The following ASTN2 variants were observed in gnomAD, a reference collection of about 807,000 sequenced individuals.
ASTN2 encodes astrotactin 2.
ASTN2 carries 54 observed loss-of-function variants against 139.8 expected under a neutral mutation model. The ratio of observed to expected loss-of-function variants is 0.39; its 90% CI spans 0.31 to 0.48. The LOEUF is 0.48. Ranked by LOEUF, ASTN2 falls within the 20% of genes least tolerant of loss-of-function variation. The probability of loss-of-function intolerance (pLI) is 0.95; values close to 1 mark genes in which losing one functional copy is unlikely to be tolerated. For synonymous variants in ASTN2, 756 were observed against 719.5 expected (o/e 1.05, Z -0.81); for missense variants, 1,565 against 1,725.1 (o/e 0.91, Z 1.64).
chr9:117,206,731 T>C (rs1008708080), intron 3 of ASTN2, among the ~76,000 whole-genome samples: 12 of 152,076 alleles, frequency 7.9e-5, no homozygotes, highest in African/African-American at 1.2e-4. Context: ...AGAGAAACAG[T>C]ATAACGGTCC....
chr9:116,820,483 A>C, intron 12 of ASTN2, 134 bp downstream of exon 12: 1 of 1,217,744 alleles, frequency 8.2e-7, no homozygotes, highest in Non-Finnish European at 1.1e-6. Flanking sequence ...TCTTGGACTA[A>C]AACAGGAAAG....
chr9:116,563,639 C>A (rs1264267702), intron 19 of ASTN2, among the ~76,000 whole-genome samples: 1 of 152,126 alleles, frequency 6.6e-6, no homozygotes, highest in Non-Finnish European at 1.5e-5. Flanking sequence ...AACTAGACAG[C>A]CCTTTCCCTC....
At chr9:117,237,096 C>T (rs576859769) in intron 2 of ASTN2, among the ~76,000 whole-genome samples, 8 of 152,262 alleles carry the variant, frequency 5.3e-5, no homozygotes, top group South Asian at 2.1e-4. Flanking sequence ...CCCTGCCCTA[C>T]CCACTTAGAG....
At chr9:116,868,689 A>G (rs1042499378) in intron 10 of ASTN2, among the ~76,000 whole-genome samples, 14 of 152,230 alleles carry the variant, frequency 9.2e-5, no homozygotes, top group Non-Finnish European at 1.9e-4. Flanking sequence ...GCCATTCTGA[A>G]GGCCAGAAGT....
intron 16 of ASTN2, among the ~76,000 whole-genome samples, chr9:116,703,983 T>G (rs1265344276): frequency 6.6e-6 from 1 of 152,210 alleles, no homozygotes; most frequent in Non-Finnish European, 1.5e-5. Context: ...TATGGCTTTA[T>G]CTTGTCAATA....
chr9:117,265,892 A>T (rs560166216), intron 2 of ASTN2, among the ~76,000 whole-genome samples: 1 of 152,308 alleles, frequency 6.6e-6, no homozygotes, highest in Admixed American at 6.5e-5. Flanking sequence ...AGAATAGTTT[A>T]TAAAGCCAGA....
At chr9:116,865,719 T>C (rs370030109) in intron 10 of ASTN2, among the ~76,000 whole-genome samples, 1 of 152,104 alleles carries the variant, frequency 6.6e-6, no homozygotes, top group Non-Finnish European at 1.5e-5. Context: ...AGCTGGTGGG[T>C]GGGTGGGCTG....
intron 1 of ASTN2, among the ~76,000 whole-genome samples, chr9:117,392,349 C>T (rs1343597551): frequency 6.6e-6 from 1 of 152,316 alleles, no homozygotes; most frequent in East Asian, 1.9e-4. Flanking sequence ...CCAAGGATTA[C>T]AAGAGATACT....
intron 2 of ASTN2, among the ~76,000 whole-genome samples, chr9:117,221,476 T>C (rs1191237987): frequency 1.3e-5 from 2 of 152,250 alleles, no homozygotes; most frequent in African/African-American, 4.8e-5. Context: ...TTTCTGTCTC[T>C]GGCCTTTTTA....
rs1832951142 is a variant in ASTN2, at chr9:116,863,671, G to C, written c.1952C>G (p.Pro651Arg). 2.5e-6 allele frequency: 4 copies of C among 1,614,074 alleles called. No individual in the cohort carries two copies. Among genetic ancestry groups the C allele is most frequent in the Non-Finnish European group, 2.5e-6 (3 of 1,180,038 alleles). Residue 651 changes from proline to arginine, a missense_variant, in exon 11 of 23, where the codon CCA becomes CGA. Physicochemically the swap from Pro to Arg is moderately radical, Grantham distance 103 (BLOSUM62 -2). This residue lies in a region of ASTN2 where 503 missense variants were observed against 591.7 expected (regional missense o/e 0.85). Transcript: ENST00000313400. ...TINDLLSSFG[P>R]VRDCSRNNGG... ...ATTGTTCCGAGAGCAGTCACGAACT[G>C]GCCCGAAGGAAGACAGCAGGTCATT...
At chr9:116,804,393 A>G (rs2132244673) in intron 13 of ASTN2, among the ~76,000 whole-genome samples, 1 of 152,164 alleles carries the variant, frequency 6.6e-6, no homozygotes, top group African/African-American at 2.4e-5. Flanking sequence ...CTAAAATGAA[A>G]TTATCTTGGC....
In ASTN2 at chr9:116,729,063, G is replaced by T; in HGVS notation, c.2555C>A (p.Pro852His). The stretch of plus-strand genomic sequence containing the variant: ...CCGGACCCGCCACTGCTGCACCATG[G>T]GGTAACCCATGGCCTCATCATACCT... ...DIRYDEAMGYPMVQQWRVRSN... is the reference protein window; with the variant it reads ...DIRYDEAMGYHMVQQWRVRSN... The change falls in exon 15 of 23, where the codon CCC becomes CAC. Residue 852 changes from proline to histidine, a missense_variant. Physicochemically the swap from Pro to His is moderately conservative, Grantham distance 77. This residue lies in a region of ASTN2 where 503 missense variants were observed against 591.7 expected (regional missense o/e 0.85). Transcript: ENST00000313400. 1.3e-6 allele frequency: 2 copies of T among 1,597,816 alleles called. No individual in the cohort carries two copies. Among genetic ancestry groups the T allele is most frequent in the Non-Finnish European group, 1.7e-6 (2 of 1,171,636 alleles).
intron 2 of ASTN2, among the ~76,000 whole-genome samples, chr9:117,284,313 C>T (rs1409269104): frequency 2.0e-5 from 3 of 152,156 alleles, no homozygotes; most frequent in African/African-American, 7.2e-5. Flanking sequence ...CCATGTTACC[C>T]AGGCTGGTCT....
chr9:117,042,812 C>A (rs1038427898), intron 5 of ASTN2, among the ~76,000 whole-genome samples: 5 of 152,104 alleles, frequency 3.3e-5, no homozygotes, highest in Non-Finnish European at 7.4e-5. Flanking sequence ...TTTAGCAAAA[C>A]CCCTACAATA....
At chr9:117,059,297 C>T (rs1839167396) in intron 5 of ASTN2, among the ~76,000 whole-genome samples, 2 of 152,182 alleles carry the variant, frequency 1.3e-5, no homozygotes, top group Admixed American at 1.3e-4. Context: ...GGTCATCTTA[C>T]TGCCATGGGG....
At chr9:116,999,958 C>T (rs917387841) in intron 7 of ASTN2, among the ~76,000 whole-genome samples, 1 of 152,172 alleles carries the variant, frequency 6.6e-6, no homozygotes, top group African/African-American at 2.4e-5. Flanking sequence ...CCTCCTTCAG[C>T]TGGTTAGCTA....
intron 22 of ASTN2, among the ~76,000 whole-genome samples, chr9:116,431,706 G>A (rs1243701209): frequency 9.9e-5 from 4 of 40,548 alleles, no homozygotes; most frequent in Admixed American, 3.6e-4. Context: ...CTATGTGCCA[G>A]AAACTGTACC....
At chr9:116,519,697 A>G (rs1017627508) in intron 19 of ASTN2, among the ~76,000 whole-genome samples, 1 of 152,042 alleles carries the variant, frequency 6.6e-6, no homozygotes, top group Non-Finnish European at 1.5e-5. Context: ...AGAAAATACG[A>G]AAGATAAATG....
chr9:116,723,836 T>C (rs1828541468), intron 16 of ASTN2, among the ~76,000 whole-genome samples: 1 of 152,180 alleles, frequency 6.6e-6, no homozygotes, highest in Non-Finnish European at 1.5e-5. Flanking sequence ...GTATGGACGA[T>C]GGAAGCAAGA....
Sources: allele counts gnomAD v4.1 joint callset (sites outside exome capture counted in the v4.1 genomes callset), GRCh38; gene constraint gnomAD v4.1.1; regional missense constraint gnomAD v4.1.1; transcripts MANE v1.5; gene names NCBI Gene and HGNC (gene_info 2026-07-23, HGNC 2026-07-21).